Variants in COG4 observed in about 807,000 individuals in gnomAD.
COG4 encodes the protein component of oligomeric golgi complex 4.
COG4 carries 65 observed loss-of-function variants against 95.1 expected under a neutral mutation model. The ratio of observed to expected loss-of-function variants is 0.68; its 90% CI spans 0.56 to 0.84. The LOEUF (loss-of-function observed/expected upper bound fraction) is 0.84, where lower values mean the gene tolerates loss of function less well. Among genes scored for constraint, COG4 ranks in the 40% least tolerant of loss-of-function variants. COG4 has a pLI of 0.00. For missense variants in COG4, 1,045 were observed against 989.1 expected (o/e 1.06, Z -0.76); for synonymous variants, 421 against 374.8 (o/e 1.12, Z -1.42).
chr16:70,494,987 A>C (rs947830572), intron 12 of COG4, among the ~76,000 whole-genome samples: 2 of 152,148 alleles, frequency 1.3e-5, no homozygotes, highest in African/African-American at 4.8e-5. Context: ...TCTGTCTCAT[A>C]ACTAGTTACT....
chr16:70,494,961 C>A (rs1212497507), intron 12 of COG4, among the ~76,000 whole-genome samples: 1 of 152,132 alleles, frequency 6.6e-6, no homozygotes, highest in Non-Finnish European at 1.5e-5. Context: ...GCTGCCTAAA[C>A]AGCTTTCACA....
Position 70,500,865 on chromosome 16 carries a change from T to C in COG4, c.1195+93A>G, listed in dbSNP as rs957750559. 72 of 1,503,430 alleles carry C rather than the reference T, an allele frequency of 4.8e-5. No homozygotes were observed. The Admixed American group carries it at 9.5e-4, about 20-fold the overall frequency. 93.1% of individuals were successfully genotyped at this position (1,503,430 alleles called of 1,614,324 possible). A position where few individuals can be genotyped will look rare whatever the true frequency, so the allele number is the denominator to read the frequency against. On this transcript the variant is annotated intron_variant, in intron 9 of 18. Coordinates refer to ENST00000323786, the MANE Select transcript of COG4 (RefSeq NM_015386.3). Reference sequence around the variant, plus strand: ...ACCACCAGGGGCTAATAAGTTCCAATTGTTTCCTTAATAAGAGATTTGTGG... The same window carrying C: ...ACCACCAGGGGCTAATAAGTTCCAACTGTTTCCTTAATAAGAGATTTGTGG...
intron 13 of COG4, among the ~76,000 whole-genome samples, chr16:70,487,359 T>C (rs2049159729): frequency 6.6e-6 from 1 of 150,996 alleles, no homozygotes; most frequent in African/African-American, 2.4e-5. Flanking sequence ...CACTTCGGGA[T>C]GCCAAGGCGG....
intron 10 of COG4, 89 bp downstream of exon 10, chr16:70,497,848 C>T (rs1223570982): frequency 1.2e-6 from 1 of 826,870 alleles, no homozygotes; most frequent in Non-Finnish European, 2.2e-6. Context: ...AAAGCAGGAC[C>T]AATAAATATG....
chr16:70,501,196 A>G lies in COG4; in HGVS notation c.1062-105T>C, dbSNP rs1290828884. On this transcript the variant is annotated intron_variant, in intron 8 of 18. Transcript: ENST00000323786. ...AATTCCCCCTCCCCACTGGGCCCAT[A>G]AGGAAAAGCTCTGCCAGATGGCCCT... is the stretch of plus-strand genomic sequence containing the variant. 4 of 1,304,278 alleles carry G rather than the reference A, an allele frequency of 3.1e-6. 1 individual carries two copies. In the African/African-American group the frequency reaches 5.8e-5, roughly 19 times the overall value. 80.8% of individuals were successfully genotyped at this position (1,304,278 alleles called of 1,614,324 possible). A position where few individuals can be genotyped will look rare whatever the true frequency, so the allele number is the denominator to read the frequency against.
Position 70,484,043 on chromosome 16 carries a change from C to T in COG4, c.1711-74G>A. ...GAGTGTGAGGAGCCACCAGCCAGTT[C>T]TACTCCTCCAGCCAGCTATGGCCTG... On this transcript the variant is annotated intron_variant, in intron 13 of 18. Coordinates refer to ENST00000323786, the MANE Select transcript of COG4 (RefSeq NM_015386.3). The T allele has an allele frequency of 5.6e-6, 6 of 1,073,048 alleles. No individual in the cohort carries two copies. The Admixed American group carries it at 1.0e-4, about 18-fold the overall frequency. 66.5% of individuals were successfully genotyped at this position (1,073,048 alleles called of 1,614,324 possible). A position where few individuals can be genotyped will look rare whatever the true frequency, so the allele number is the denominator to read the frequency against.
chr16:70,508,428 T>C lies in COG4; in HGVS notation c.1039A>G (p.Thr347Ala). Residue 347 changes from threonine to alanine, a missense_variant, in exon 8 of 19, where the codon ACA becomes GCA. Coordinates refer to ENST00000323786, the MANE Select transcript of COG4 (RefSeq NM_015386.3). ...TACCTTGGTTCGATTTTTTCTGTTG[T>C]AGAATTTCTCATCAGGTTGTTCTGA... ...HVQNNLMRNS[T>A]TEKIEPRELD... The C allele has an allele frequency of 2.5e-6, 4 of 1,614,158 alleles. No homozygotes were observed. The highest frequency in any genetic ancestry group is 2.5e-6 in the Non-Finnish European group (3 of 1,179,990).
chr16:70,496,898 A>G (rs1309539130), intron 11 of COG4, among the ~76,000 whole-genome samples: 2 of 152,210 alleles, frequency 1.3e-5, no homozygotes, highest in African/African-American at 4.8e-5. Flanking sequence ...TAGGACCTCA[A>G]AAGCGCAGGA....
At chr16:70,497,004 C>T (rs1413956929) in intron 11 of COG4, among the ~76,000 whole-genome samples, 1 of 152,168 alleles carries the variant, frequency 6.6e-6, no homozygotes, top group Non-Finnish European at 1.5e-5. Flanking sequence ...GGGCCCATAG[C>T]TCCTTCAGTC....
chr16:70,495,529 G>A (rs1471894315), intron 12 of COG4, among the ~76,000 whole-genome samples: 1 of 152,106 alleles, frequency 6.6e-6, no homozygotes, highest in Non-Finnish European at 1.5e-5. Context: ...CAGGCTCTGA[G>A]CCTCAGGAGT....
In COG4 at chr16:70,501,870, C is replaced by T. The variant is rs562606766; in HGVS notation, c.1062-779G>A. On this transcript the variant is annotated intron_variant, in intron 8 of 18. Transcript: ENST00000323786. ...TATCTTTAGTAGAATTGGGATTTTG[C>T]CATGTTGGCTAGGCCAGTCTCGAAC... Among the ~76,000 whole-genome samples, 42 of 150,672 alleles carry T rather than the reference C, an allele frequency of 2.8e-4. No homozygotes were observed. The South Asian group carries it at 8.6e-3, about 31-fold the overall frequency.
intron 11 of COG4, 21 bp downstream of exon 11, chr16:70,497,200 G>A (rs1317314316): frequency 2.5e-6 from 4 of 1,612,230 alleles, no homozygotes. Context: ...GCCTAGAAAG[G>A]AGAAAGGGAG....
chr16:70,501,427 C>T (rs1408261893), intron 8 of COG4: 1 of 304,742 alleles, frequency 3.3e-6, no homozygotes, highest in African/African-American at 2.2e-5. Context: ...GATCTCAGCT[C>T]CCTGCAAGCT....
At chr16:70,511,409 G>A (rs1352925536) in intron 5 of COG4, among the ~76,000 whole-genome samples, 5 of 152,164 alleles carry the variant, frequency 3.3e-5, no homozygotes, top group African/African-American at 7.2e-5. Flanking sequence ...TTTGTGGGAG[G>A]GGAGTGACAC....
chr16:70,517,120 A>T (rs2049838110), intron 3 of COG4, among the ~76,000 whole-genome samples: 1 of 151,658 alleles, frequency 6.6e-6, no homozygotes, highest in Non-Finnish European at 1.5e-5. Flanking sequence ...GCTGGTTTTG[A>T]ACTTCTGGGC....
Position 70,486,779 on chromosome 16 carries a change from G to A in COG4, c.1711-2810C>T, listed in dbSNP as rs2049145402. Reference sequence around the variant, plus strand: ...TGGGAGGCCGAGGCGGGCAGATCACGAGGTGAAGAGATCAAGACCATCCTG... The same window carrying A: ...TGGGAGGCCGAGGCGGGCAGATCACAAGGTGAAGAGATCAAGACCATCCTG... On this transcript the variant is annotated intron_variant, in intron 13 of 18. Transcript: ENST00000323786. Among the ~76,000 whole-genome samples, 3 of 150,294 alleles carry A rather than the reference G, an allele frequency of 2.0e-5. No homozygotes were observed. In the South Asian group the frequency reaches 6.4e-4, roughly 32 times the overall value.
At chr16:70,523,202 C>T (rs2049990413) in intron 1 of COG4, 171 bp downstream of exon 1, 2 of 730,790 alleles carry the variant, frequency 2.7e-6, no homozygotes, top group African/African-American at 1.8e-5. Flanking sequence ...CGTCCGACAG[C>T]GTGAAAAGAG....
intron 18 of COG4, 74 bp downstream of exon 18, chr16:70,481,285 A>G: frequency 6.2e-7 from 1 of 1,609,138 alleles, no homozygotes; most frequent in Non-Finnish European, 8.5e-7. Flanking sequence ...CATGGTTTAG[A>G]GGGAAGTGGC....
Position 70,487,296 on chromosome 16 carries a change from T to TA in COG4, c.1710+3033dup, listed in dbSNP as rs1316316829. On this transcript the variant is annotated intron_variant, in intron 13 of 18. Coordinates refer to ENST00000323786, the MANE Select transcript of COG4 (RefSeq NM_015386.3). ...GTCTCAAAAAATAAAAAAATAAAAA[T>TA]AAAAAAAAAAAAAGACAAGGCCAGG... 2.8e-3 allele frequency among the ~76,000 whole-genome samples: 335 copies of TA among 121,478 alleles called. 1 individual carries two copies. Among genetic ancestry groups the TA allele is most frequent in the East Asian group, 0.025 (106 of 4,188 alleles). The allele number at this position is 121,478 out of a possible 152,430, so 79.7% of individuals were successfully genotyped here. A position where few individuals can be genotyped will look rare whatever the true frequency, so the allele number is the denominator to read the frequency against.
Sources: gnomAD v4.1 joint callset for allele counts (sites outside exome capture counted in the v4.1 genomes callset) on GRCh38, gnomAD v4.1.1 for gene constraint, MANE v1.5 for transcripts, NCBI Gene and HGNC (gene_info 2026-07-23, HGNC 2026-07-21) for gene names.